The following SKOR2 variants were observed in gnomAD, a reference collection of about 807,000 sequenced individuals.
The protein encoded by SKOR2 is LBX1 corepressor 1-like protein.
SKOR2 carries 47 observed loss-of-function variants against 69.1 expected under a neutral mutation model. That is an observed-to-expected ratio of 0.68 (90% CI 0.54 to 0.87). The LOEUF (loss-of-function observed/expected upper bound fraction) is 0.87, where lower values mean the gene tolerates loss of function less well. Ranked by LOEUF, SKOR2 falls within the 40% of genes least tolerant of loss-of-function variation. The pLI is 0.00. For missense variants in SKOR2, 1,404 were observed against 1,472.2 expected (o/e 0.95, Z 0.76); for synonymous variants, 717 against 672.6 (o/e 1.07, Z -1.02).
rs191482483 is a variant in SKOR2 at position 47,237,560 on chromosome 18, A to G, written c.2753-6560T>C. 1.1e-4 allele frequency among the ~76,000 whole-genome samples: 17 copies of G among 152,366 alleles called. 1 individual carries two copies. Among genetic ancestry groups the G allele is most frequent in the Admixed American group, 1.1e-3 (17 of 15,306 alleles). On this transcript the variant is annotated intron_variant, in intron 4 of 8. Coordinates refer to ENST00000425639, the MANE Select transcript of SKOR2 (RefSeq NM_001278063.4). ...AGAGCATTTAAATATTGTGTCCTGT[A>G]CACATGTAGGGTATACCATGTATAT...
In SKOR2 at chr18:47,247,385, G is replaced by A. The variant is rs995985316; in HGVS notation, c.1799C>T (p.Pro600Leu). Reference sequence around the variant, plus strand: ...CAGAAGGTGCGGATGGTGGGGCGCCGGAACCCGGGAGCCCGCGGGGCCAGA... The same window carrying A: ...CAGAAGGTGCGGATGGTGGGGCGCCAGAACCCGGGAGCCCGCGGGGCCAGA... ...AGSGPAGSRV[P>L]APHHPHLLEG... Residue 600 changes from proline to leucine, a missense_variant, in exon 2 of 9, where the codon CCG becomes CTG. By Grantham distance (98) the Pro-to-Leu change is moderately conservative. Transcript: ENST00000425639. The surrounding 1 kb of genome is among the most constrained non-coding windows in gnomAD (Gnocchi z 6.6). 13 of 1,397,314 alleles carry A rather than the reference G, an allele frequency of 9.3e-6. No homozygotes were observed. The highest frequency in any genetic ancestry group is 1.5e-5 in the African/African-American group (1 of 66,780). The allele number at this position is 1,397,314 out of a possible 1,614,324, so 86.6% of individuals were successfully genotyped here.
rs1600047783 is a variant in SKOR2, at chr18:47,245,475, C to A, written c.2677+23G>T. On this transcript the variant is annotated intron_variant, in intron 3 of 8. Transcript: ENST00000425639. The stretch of plus-strand genomic sequence containing the variant: ...TAAATGCAGGCAAGAAAAGTGGCAG[C>A]TGATTTTTTTTTTTTTTTTTACCTG... The A allele has an allele frequency of 3.6e-5, 21 of 590,654 alleles. 1 individual carries two copies. The highest frequency in any genetic ancestry group is 4.8e-5 in the East Asian group (1 of 20,700). 36.6% of individuals were successfully genotyped at this position (590,654 alleles called of 1,614,324 possible).
In SKOR2 at chr18:47,248,737, G is replaced by A. The variant is rs758322049; in HGVS notation, c.447C>T (p.His149=). ...TGCCGCGGCAGCCCCAGGCGCACTCGTGTGACACGTCGAAGGCGAAATTGT... is the reference window on the plus strand; with the variant it reads ...TGCCGCGGCAGCCCCAGGCGCACTCATGTGACACGTCGAAGGCGAAATTGT... ...LPDNFAFDVS[H]ECAWGCRGSF... The change falls in exon 2 of 9, where the codon CAC becomes CAT. Residue 149 remains histidine (H), a synonymous_variant. Transcript: ENST00000425639. This position sits in a 1 kb window ranked among gnomAD's most constrained non-coding sequence, Gnocchi z 6.4. 5 of 1,553,122 alleles carry A rather than the reference G, an allele frequency of 3.2e-6. No homozygotes were observed. Among genetic ancestry groups the A allele is most frequent in the African/African-American group, 1.4e-5 (1 of 73,654 alleles).
chr18:47,248,745 C>G lies in SKOR2; in HGVS notation c.439G>C (p.Val147Leu). 6.4e-7 allele frequency: 1 copy of G among 1,551,852 alleles called. No individual in the cohort carries two copies. Among genetic ancestry groups the G allele is most frequent in the Non-Finnish European group, 8.7e-7 (1 of 1,155,200 alleles). Residue 147 changes from valine to leucine, a missense_variant, in exon 2 of 9, where the codon GTG becomes CTG. Coordinates refer to ENST00000425639, the MANE Select transcript of SKOR2 (RefSeq NM_001278063.4). The surrounding 1 kb of genome is among the most constrained non-coding windows in gnomAD (Gnocchi z 6.4). ...CAGCCCCAGGCGCACTCGTGTGACA[C>G]GTCGAAGGCGAAATTGTCTGGCAGC... ...PKLPDNFAFD[V>L]SHECAWGCRG... is the part of the protein sequence containing the mutation.
intron 4 of SKOR2, among the ~76,000 whole-genome samples, chr18:47,241,290 G>C (rs1568089352): frequency 6.6e-6 from 1 of 152,156 alleles, no homozygotes; most frequent in Non-Finnish European, 1.5e-5. Flanking sequence ...AATGAGTAAA[G>C]AATACTGGAT....
At chr18:47,208,586 T>C (rs2064119382) in intron 8 of SKOR2, among the ~76,000 whole-genome samples, 1 of 152,208 alleles carries the variant, frequency 6.6e-6, no homozygotes. Flanking sequence ...TGTAAAGTAA[T>C]AATTAAATTA....
intron 4 of SKOR2, 179 bp from the exon 5 acceptor site, chr18:47,231,179 G>A: frequency 6.5e-7 from 1 of 1,535,948 alleles, no homozygotes; most frequent in East Asian, 2.4e-5. Flanking sequence ...AACACGGAGG[G>A]GAGGTGCAGA....
At chr18:47,213,743 A>T (rs1305893594) in intron 7 of SKOR2, among the ~76,000 whole-genome samples, 2 of 152,204 alleles carry the variant, frequency 1.3e-5, no homozygotes, top group Non-Finnish European at 2.9e-5. Context: ...TTAAAAGTTC[A>T]GTGTCCTAAT....
In SKOR2 at chr18:47,245,478, A is replaced by ATTTTTTTTTTTTT. The variant is rs10670977; in HGVS notation, c.2677+7_2677+19dup. 10,149 of 1,187,258 alleles carry ATTTTTTTTTTTTT rather than the reference A, an allele frequency of 8.5e-3. 242 individuals are homozygous for ATTTTTTTTTTTTT. Among genetic ancestry groups the ATTTTTTTTTTTTT allele is most frequent in the East Asian group, 0.016 (528 of 33,260 alleles). The allele number at this position is 1,187,258 out of a possible 1,614,324, so 73.5% of individuals were successfully genotyped here. A position where few individuals can be genotyped will look rare whatever the true frequency, so the allele number is the denominator to read the frequency against. On this transcript the variant is annotated intron_variant, in intron 3 of 8. Transcript: ENST00000425639. ...ATGCAGGCAAGAAAAGTGGCAGCTG[A>ATTTTTTTTTTTTT]TTTTTTTTTTTTTTTTTACCTGAAA...
At chr18:47,230,781 C>T (rs2064194732) in intron 5 of SKOR2, among the ~76,000 whole-genome samples, 154 bp downstream of exon 5, 1 of 152,100 alleles carries the variant, frequency 6.6e-6, no homozygotes, top group Non-Finnish European at 1.5e-5. Context: ...GATATGTATG[C>T]ATTAATCTCA....
At chr18:47,229,283 A>G (rs1162295002) in intron 6 of SKOR2, among the ~76,000 whole-genome samples, 1 of 152,216 alleles carries the variant, frequency 6.6e-6, no homozygotes, top group African/African-American at 2.4e-5. Context: ...TGATTTCTGG[A>G]TTAATAACAA....
At position 47,247,119 on chromosome 18, in the gene SKOR2, C is replaced by T. The variant is rs900798468; in HGVS notation, c.2065G>A (p.Glu689Lys). 8.1e-7 allele frequency: 1 copy of T among 1,227,402 alleles called. No homozygotes were observed. The highest frequency in any genetic ancestry group is 1.0e-6 in the Non-Finnish European group (1 of 991,492). 76.0% of individuals were successfully genotyped at this position (1,227,402 alleles called of 1,614,324 possible). A position where few individuals can be genotyped will look rare whatever the true frequency, so the allele number is the denominator to read the frequency against. The change falls in exon 2 of 9, where the codon GAG (glutamate) becomes AAG (lysine). Residue 689 changes from glutamate (E) to lysine (K), a missense_variant. Physicochemically the swap from Glu to Lys is moderately conservative, Grantham distance 56. Coordinates refer to ENST00000425639, the MANE Select transcript of SKOR2 (RefSeq NM_001278063.4). This position sits in a 1 kb window ranked among gnomAD's most constrained non-coding sequence, Gnocchi z 6.6. The part of the protein sequence containing the change: ...LPPQPDEPGS[E>K]RHHPAPPPPP... ...GGCGGCGGGGCCGGGTGGTGGCGCT[C>T]GGAACCCGGCTCGTCGGGCTGCGGG...
chr18:47,239,746 T>C (rs1192481438), intron 4 of SKOR2, among the ~76,000 whole-genome samples: 1 of 152,186 alleles, frequency 6.6e-6, no homozygotes, highest in African/African-American at 2.4e-5. Flanking sequence ...AACAAATATC[T>C]GAAATAAGGA....
chr18:47,245,049 T>A, intron 3 of SKOR2, 67 bp from the exon 4 acceptor site: 1 of 496,304 alleles, frequency 2.0e-6, no homozygotes, highest in Non-Finnish European at 2.8e-6. Flanking sequence ...AAAGATCCAA[T>A]TTTTTTTTTT....
intron 1 of SKOR2, among the ~76,000 whole-genome samples, chr18:47,250,841 C>G (rs1046761697): frequency 6.6e-6 from 1 of 152,158 alleles, no homozygotes; most frequent in African/African-American, 2.4e-5. Flanking sequence ...ACACCCGAGT[C>G]TGATACAACC....
rs961813912 is a variant in SKOR2, at chr18:47,206,494, A to C, written c.*402T>G. Reference sequence around the variant, plus strand: ...CAAGAATCACTTCTTCAAAAAGAGAAGACAGTTTTGTAGAGTTGCTTTCTC... The same window carrying C: ...CAAGAATCACTTCTTCAAAAAGAGACGACAGTTTTGTAGAGTTGCTTTCTC... On this transcript the variant is annotated 3_prime_UTR_variant, in exon 9 of 9. Transcript: ENST00000425639. 1 of 152,142 alleles carries C rather than the reference A, an allele frequency of 6.6e-6. No homozygotes were observed. Among genetic ancestry groups the C allele is most frequent in the Non-Finnish European group, 1.5e-5 (1 of 68,038 alleles). The allele number at this position is 152,142 out of a possible 1,614,324, so 9.4% of individuals were successfully genotyped here.
chr18:47,224,008 C>T (rs1181950167), intron 6 of SKOR2, among the ~76,000 whole-genome samples: 3 of 151,564 alleles, frequency 2.0e-5, no homozygotes, highest in East Asian at 1.9e-4. Flanking sequence ...TGGGTTCAAG[C>T]GATTCTCCTG....
intron 6 of SKOR2, among the ~76,000 whole-genome samples, chr18:47,222,770 C>T (rs1430177753): frequency 1.3e-5 from 2 of 152,172 alleles, no homozygotes; most frequent in Admixed American, 6.5e-5. Flanking sequence ...GGAGCACTTC[C>T]CTGGGATCAC....
At chr18:47,212,236 A>G (rs2064130056) in intron 7 of SKOR2, 85 bp from the exon 8 acceptor site, 2 of 1,156,366 alleles carry the variant, frequency 1.7e-6, no homozygotes, top group African/African-American at 3.2e-5. Flanking sequence ...CATGCCTAAC[A>G]ATTTGAATGC....
Sources: gnomAD v4.1 joint callset for allele counts (sites outside exome capture counted in the v4.1 genomes callset) on GRCh38, gnomAD v4.1.1 for gene constraint, Gnocchi (gnomAD v3.1) non-coding constraint, MANE v1.5 for transcripts, NCBI Gene and HGNC (gene_info 2026-07-23, HGNC 2026-07-21) for gene names.